The following TDP2 variants were observed in gnomAD, a reference collection of about 807,000 sequenced individuals.
The protein encoded by TDP2 is tyrosyl-DNA phosphodiesterase 2.
A neutral mutation model predicts 42.8 loss-of-function variants in TDP2; 38 were observed. That is an observed-to-expected ratio of 0.89 (90% CI 0.68 to 1.16). The LOEUF (loss-of-function observed/expected upper bound fraction) is 1.16, where lower values mean the gene tolerates loss of function less well. TDP2 is among the 50% of genes most tolerant of loss of function. The pLI, the probability that TDP2 is intolerant of heterozygous loss-of-function variation, is 0.00. For synonymous variants in TDP2, 173 were observed against 150.6 expected, an observed-to-expected ratio of 1.15 and a Z score of -1.09; for missense variants, 439 against 439.3, an observed-to-expected ratio of 1.00 and a Z score of 0.01.
chr6:24,652,947 T>A, intron 6 of TDP2, 36 bp downstream of exon 6: 1 of 1,606,366 alleles, frequency 6.2e-7, no homozygotes, highest in African/African-American at 1.3e-5. Flanking sequence ...ATAGCAATAA[T>A]CTGTCCTCAA....
rs1562145924 is a variant in TDP2, at chr6:24,651,002, T to C, written c.875A>G (p.His292Arg). Reference protein sequence around the residue: ...DVWEFLGKPKHCQYTWDTQMN... With the variant: ...DVWEFLGKPKRCQYTWDTQMN... ...TTGTGTATCCCATGTATACTGGCAATGTTTAGGTTTGCCCAAAAACTCCCA... is the reference window on the plus strand; with the variant it reads ...TTGTGTATCCCATGTATACTGGCAACGTTTAGGTTTGCCCAAAAACTCCCA... The change falls in exon 7 of 7, where the codon CAT becomes CGT. Residue 292 changes from histidine to arginine, a missense_variant. Physicochemically the swap from His to Arg is conservative, Grantham distance 29. Coordinates refer to ENST00000378198, the MANE Select transcript of TDP2 (RefSeq NM_016614.3). The C allele has an allele frequency of 5.6e-6, 9 of 1,613,978 alleles. No individual in the cohort carries two copies. Among genetic ancestry groups the C allele is most frequent in the Non-Finnish European group, 7.6e-6 (9 of 1,179,960 alleles).
intron 4 of TDP2, 42 bp downstream of exon 4, chr6:24,657,770 G>A (rs1778079976): frequency 1.7e-6 from 2 of 1,206,610 alleles, no homozygotes; most frequent in Non-Finnish European, 2.4e-6. Flanking sequence ...TCACTGATCT[G>A]TTTTTCAAAG....
intron 2 of TDP2, chr6:24,666,203 T>C (rs146918851): frequency 3.2e-6 from 5 of 1,550,352 alleles, no homozygotes; most frequent in Non-Finnish European, 4.4e-6. Flanking sequence ...CATTTTTCGA[T>C]AGAAGGTTTA....
At position 24,650,426 on chromosome 6, in the gene TDP2, CTTT is replaced by C; in HGVS notation, c.*359_*361del. ...AGAACTCAATAATCTCTTATGTTTT[CTTT>C]TGAAGACTTATTTCAAATATTAACT... On this transcript the variant is annotated 3_prime_UTR_variant, in exon 7 of 7. Coordinates refer to ENST00000378198, the MANE Select transcript of TDP2 (RefSeq NM_016614.3). 1 of 195,884 alleles carries C rather than the reference CTTT, an allele frequency of 5.1e-6. No homozygotes were observed. Among genetic ancestry groups the C allele is most frequent in the Admixed American group, 5.6e-5 (1 of 17,904 alleles). 12.1% of individuals were successfully genotyped at this position (195,884 alleles called of 1,614,324 possible).
rs192090296 is a variant in TDP2, at chr6:24,661,747, T to A, written c.252-3013A>T. On this transcript the variant is annotated intron_variant, in intron 2 of 6. Transcript: ENST00000378198. ...AAAAAAAAAGTGCAAAACTTTCTTT[T>A]GTGAATTTCATCCTACCCAAAAGTT... Among the ~76,000 whole-genome samples, 230 of 152,320 alleles carry A rather than the reference T, an allele frequency of 1.5e-3. 1 individual carries two copies. Among genetic ancestry groups the A allele is most frequent in the African/African-American group, 5.4e-3 (223 of 41,586 alleles).
chr6:24,658,304 T>G (rs1246770106), intron 3 of TDP2, among the ~76,000 whole-genome samples: 2 of 152,222 alleles, frequency 1.3e-5, no homozygotes. Flanking sequence ...ATCTTTTTGG[T>G]AGTTTTAATT....
chr6:24,662,673 G>A (rs745701725), intron 2 of TDP2, among the ~76,000 whole-genome samples: 11 of 151,706 alleles, frequency 7.3e-5, no homozygotes, highest in Non-Finnish European at 1.6e-4. Context: ...GCTAAGCGCC[G>A]GTCCCCTGGG....
At chr6:24,652,533 A>G (rs1280323866) in intron 6 of TDP2, among the ~76,000 whole-genome samples, 1 of 152,198 alleles carries the variant, frequency 6.6e-6, no homozygotes, top group Admixed American at 6.5e-5. Context: ...GTGGCAGGAA[A>G]AGTGGGTAAA....
rs1778127076 is a variant in TDP2, at chr6:24,660,641, CT to C, written c.252-1908del. Among the ~76,000 whole-genome samples, 4 of 152,224 alleles carry C rather than the reference CT, an allele frequency of 2.6e-5. No individual in the cohort carries two copies. The South Asian group carries it at 8.3e-4, about 32-fold the overall frequency. On this transcript the variant is annotated intron_variant, in intron 2 of 6. Transcript: ENST00000378198. ...AAGATTATCATTGATATAAGTTTTT[CT>C]TTTTCTTATTGCCTCCTATGGCTAG...
intron 2 of TDP2, 150 bp downstream of exon 2, chr6:24,666,376 G>A (rs988992236): frequency 2.1e-5 from 29 of 1,410,936 alleles, no homozygotes; most frequent in East Asian, 6.9e-5. Flanking sequence ...CGCAGCAGCA[G>A]CAACGCAAGC....
intron 2 of TDP2, among the ~76,000 whole-genome samples, chr6:24,664,859 CT>C (rs774519309): frequency 2.6e-5 from 4 of 152,180 alleles, no homozygotes; most frequent in Non-Finnish European, 4.4e-5. Flanking sequence ...AACACCTTTG[CT>C]TGTTTTTGCC....
At chr6:24,662,338 C>T (rs374818883) in intron 2 of TDP2, among the ~76,000 whole-genome samples, 1 of 152,052 alleles carries the variant, frequency 6.6e-6, no homozygotes, top group Non-Finnish European at 1.5e-5. Flanking sequence ...TGGAATGTCT[C>T]GGTATAAAAC....
intron 2 of TDP2, among the ~76,000 whole-genome samples, chr6:24,659,361 G>A (rs1188705012): frequency 1.3e-5 from 2 of 152,180 alleles, no homozygotes; most frequent in African/African-American, 4.8e-5. Flanking sequence ...CTTGCAAGCT[G>A]TACCTCAACA....
chr6:24,666,463 G>C lies in TDP2; in HGVS notation c.251+63C>G, dbSNP rs1373512566. 7.8e-6 allele frequency: 12 copies of C among 1,544,764 alleles called. No homozygotes were observed. The South Asian group carries it at 1.1e-4, about 14-fold the overall frequency. ...AGCTCCACGGCAGGTCCCAGGACGC[G>C]CAGGGCTACCTGGTATCAAACTGCC... On this transcript the variant is annotated intron_variant, in intron 2 of 6. Coordinates refer to ENST00000378198, the MANE Select transcript of TDP2 (RefSeq NM_016614.3).
chr6:24,654,979 G>A (rs920681301), intron 4 of TDP2, among the ~76,000 whole-genome samples: 2 of 152,076 alleles, frequency 1.3e-5, no homozygotes, highest in Non-Finnish European at 2.9e-5. Context: ...CAGAGGTTGC[G>A]GTGAGCTGAG....
intron 2 of TDP2, among the ~76,000 whole-genome samples, chr6:24,664,988 G>A (rs1309127860): frequency 6.6e-6 from 1 of 152,080 alleles, no homozygotes. Flanking sequence ...CTATTTATTG[G>A]TTACAATATA....
At chr6:24,657,984 C>T (rs1404228177) in intron 3 of TDP2, 81 bp from the exon 4 acceptor site, 1 of 1,015,006 alleles carries the variant, frequency 9.9e-7, no homozygotes, top group Non-Finnish European at 1.5e-6. Context: ...AATCCCACAA[C>T]ATACCAAAAA....
intron 4 of TDP2, 107 bp from the exon 5 acceptor site, chr6:24,654,637 T>TTG: frequency 3.0e-6 from 2 of 657,720 alleles, no homozygotes; most frequent in Non-Finnish European, 5.4e-6. Flanking sequence ...GTAACAGATA[T>TTG]TTACATGGAT....
At chr6:24,654,039 T>C (rs1367780603) in intron 5 of TDP2, among the ~76,000 whole-genome samples, 1 of 152,236 alleles carries the variant, frequency 6.6e-6, no homozygotes, top group Non-Finnish European at 1.5e-5. Flanking sequence ...TATGTTTTAG[T>C]TACTATATAC....
Sources: allele counts gnomAD v4.1 joint callset (sites outside exome capture counted in the v4.1 genomes callset), GRCh38; gene constraint gnomAD v4.1.1; transcripts MANE v1.5; gene names NCBI Gene and HGNC (gene_info 2026-07-23, HGNC 2026-07-21).